Variants in PGR observed in about 807,000 individuals in gnomAD.
The protein encoded by PGR is nuclear receptor subfamily 3 group C member 3.
A neutral mutation model predicts 76.1 loss-of-function variants in PGR; 25 were observed. That is an observed-to-expected ratio of 0.33 (90% CI 0.24 to 0.46). The LOEUF (loss-of-function observed/expected upper bound fraction) is 0.46. PGR is among the 20% of genes least tolerant of loss of function. The probability of loss-of-function intolerance (pLI) is 1.00; values close to 1 mark genes in which losing one functional copy is unlikely to be tolerated. For missense variants in PGR, 1,172 were observed against 1,225.3 expected (o/e 0.96, Z 0.65); for synonymous variants, 579 against 535.0 (o/e 1.08, Z -1.14).
At chr11:101,124,022 G>A (rs898692198) in intron 2 of PGR, among the ~76,000 whole-genome samples, 8 of 152,198 alleles carry the variant, frequency 5.3e-5, no homozygotes, top group Admixed American at 6.5e-5. Context: ...GCAGAGAAAA[G>A]TGAAGTCAGG....
At chr11:101,067,402 T>A (rs1326639984) in intron 3 of PGR, among the ~76,000 whole-genome samples, 4 of 152,070 alleles carry the variant, frequency 2.6e-5, no homozygotes, top group Non-Finnish European at 5.9e-5. Context: ...ACTGACCTCA[T>A]TATTAACCAG....
At position 101,051,435 on chromosome 11, in the gene PGR, T is replaced by C. The variant is rs1860086119; in HGVS notation, c.2346A>G (p.Leu782=). The C allele has an allele frequency of 6.2e-7, 1 of 1,606,454 alleles. No individual in the cohort carries two copies. Among genetic ancestry groups the C allele is most frequent in the African/African-American group, 1.3e-5 (1 of 74,770 alleles). The change falls in exon 5 of 8, where the codon CTA becomes CTG. Residue 782 remains leucine, a synonymous_variant. Coordinates refer to ENST00000325455, the MANE Select transcript of PGR (RefSeq NM_000926.4). The part of the protein sequence containing the change: ...SGQMLYFAPD[L]ILNEQRMKES... ...AAGTTACTACTTACTCATTTAGTATTAGATCAGGTGCAAAATACAGCATCT... is the reference window on the plus strand; with the variant it reads ...AAGTTACTACTTACTCATTTAGTATCAGATCAGGTGCAAAATACAGCATCT...
chr11:101,066,355 AT>A (rs1324726510), intron 3 of PGR, among the ~76,000 whole-genome samples: 2 of 152,058 alleles, frequency 1.3e-5, no homozygotes, highest in Non-Finnish European at 2.9e-5. Context: ...GCTTCCACAT[AT>A]TTCATTCTTG....
At chr11:101,078,740 G>T (rs11571196) in intron 3 of PGR, among the ~76,000 whole-genome samples, 1 of 152,074 alleles carries the variant, frequency 6.6e-6, no homozygotes, top group South Asian at 2.1e-4. Context: ...AGAACAAACT[G>T]CTCCTAACAA....
chr11:101,128,206 T>A lies in PGR; in HGVS notation c.865A>T (p.Met289Leu). ...GCCAGCGGGGAGCGCCCGGGCGCCA[T>A]CGGCGCGTCCTGCTCCACCAGGGCG... ...RVALVEQDAP[M>L]APGRSPLATT... is the part of the protein sequence containing the mutation. The change falls in exon 1 of 8, where the codon ATG (methionine) becomes TTG (leucine). Residue 289 changes from methionine (M) to leucine (L), a missense_variant. Met to Leu is a conservative substitution (Grantham distance 15, BLOSUM62 2). Coordinates refer to ENST00000325455, the MANE Select transcript of PGR (RefSeq NM_000926.4). 6.3e-7 allele frequency: 1 copy of A among 1,598,352 alleles called. No homozygotes were observed. The highest frequency in any genetic ancestry group is 8.5e-7 in the Non-Finnish European group (1 of 1,179,510).
intron 2 of PGR, among the ~76,000 whole-genome samples, chr11:101,115,769 CA>C (rs60883024): frequency 1.0e-3 from 154 of 147,200 alleles, no homozygotes; most frequent in African/African-American, 3.3e-3. Flanking sequence ...GACTCCCTCT[CA>C]AAAAAAAAAG....
intron 7 of PGR, among the ~76,000 whole-genome samples, chr11:101,040,559 T>A (rs1591365000): frequency 6.6e-6 from 1 of 152,084 alleles, no homozygotes; most frequent in East Asian, 1.9e-4. Context: ...TTCCATCAAA[T>A]TCTGAAGGCA....
At chr11:101,110,147 C>T (rs1379738745) in intron 2 of PGR, among the ~76,000 whole-genome samples, 1 of 152,210 alleles carries the variant, frequency 6.6e-6, no homozygotes, top group South Asian at 2.1e-4. Flanking sequence ...GCTAACACAA[C>T]ATCTATTCTG....
At chr11:101,092,606 G>A (rs972958296) in intron 2 of PGR, among the ~76,000 whole-genome samples, 2 of 152,008 alleles carry the variant, frequency 1.3e-5, no homozygotes, top group East Asian at 3.9e-4. Flanking sequence ...AGGAAACTAT[G>A]GATGCCTTTA....
At chr11:101,055,272 G>A (rs1384591665) in intron 4 of PGR, among the ~76,000 whole-genome samples, 1 of 151,798 alleles carries the variant, frequency 6.6e-6, no homozygotes, top group African/African-American at 2.4e-5. Context: ...AATTAGCTAG[G>A]TGTGGTGGTG....
In PGR at chr11:101,127,633, AGGGCGGCGGCGCGAACGGGCCCTGCTG is replaced by A; in HGVS notation, c.1411_1437del (p.Gln471_Pro479del). 1 of 1,366,116 alleles carries A rather than the reference AGGGCGGCGGCGCGAACGGGCCCTGCTG, an allele frequency of 7.3e-7. No individual in the cohort carries two copies. The highest frequency in any genetic ancestry group is 9.4e-7 in the Non-Finnish European group (1 of 1,066,778). The allele number at this position is 1,366,116 out of a possible 1,614,324, so 84.6% of individuals were successfully genotyped here. A position where few individuals can be genotyped will look rare whatever the true frequency, so the allele number is the denominator to read the frequency against. ...CAGCCGCTCGCGCCCGGCGCCTTGC[AGGGCGGCGGCGCGAACGGGCCCTGCTG>A]GGGCGGCGCGCCCTCCGCTTTGTAC... On this transcript the variant is annotated inframe_deletion, in exon 1 of 8. Transcript: ENST00000325455.
chr11:101,048,146 T>G (rs1282808263), intron 6 of PGR, among the ~76,000 whole-genome samples: 1 of 152,224 alleles, frequency 6.6e-6, no homozygotes, highest in Non-Finnish European at 1.5e-5. Context: ...CCTGGGTGTT[T>G]CTTGCTAACT....
At chr11:101,045,665 TTGTGTGTGTG>T (rs5794091) in intron 6 of PGR, among the ~76,000 whole-genome samples, 3,095 of 149,224 alleles carry the variant, frequency 0.021, 79 homozygotes, top group African/African-American at 0.058. Flanking sequence ...CTATTCCATT[TTGTGTGTGTG>T]TGTGTGTGTG....
At chr11:101,072,803 G>A (rs1410375800) in intron 3 of PGR, among the ~76,000 whole-genome samples, 1 of 152,172 alleles carries the variant, frequency 6.6e-6, no homozygotes, top group Non-Finnish European at 1.5e-5. Context: ...CTCAATACAG[G>A]AGCATTCAGA....
intron 2 of PGR, among the ~76,000 whole-genome samples, chr11:101,104,385 A>T (rs531411629): frequency 2.2e-4 from 34 of 152,314 alleles, no homozygotes; most frequent in Non-Finnish European, 4.1e-4. Flanking sequence ...TGTTTAATCA[A>T]AATCTTAGTT....
chr11:101,129,348 G>A lies in PGR; in HGVS notation c.-278C>T. 1 of 419,950 alleles carries A rather than the reference G, an allele frequency of 2.4e-6. No individual in the cohort carries two copies. The highest frequency in any genetic ancestry group is 4.1e-6 in the Non-Finnish European group (1 of 241,118). The allele number at this position is 419,950 out of a possible 1,614,324, so 26.0% of individuals were successfully genotyped here. A position where few individuals can be genotyped will look rare whatever the true frequency, so the allele number is the denominator to read the frequency against. On this transcript the variant is annotated 5_prime_UTR_variant, in exon 1 of 8. Transcript: ENST00000325455. ...CAAGAAAAAGTAGTAATTGTTAGGA[G>A]ATCTCGTCTCCTAACTCGGGGAGTT...
chr11:101,062,327 A>G (rs1860531324), intron 4 of PGR, 120 bp downstream of exon 4: 5 of 778,270 alleles, frequency 6.4e-6, no homozygotes, highest in Admixed American at 4.2e-5. Flanking sequence ...AACACATACT[A>G]TCACATACTG....
chr11:101,075,106 G>A (rs1861076889), intron 3 of PGR, among the ~76,000 whole-genome samples: 1 of 152,086 alleles, frequency 6.6e-6, no homozygotes. Flanking sequence ...AAACAGCATG[G>A]TACTGGTACC....
intron 2 of PGR, among the ~76,000 whole-genome samples, chr11:101,117,292 T>C (rs1402916172): frequency 6.6e-6 from 1 of 152,208 alleles, no homozygotes; most frequent in African/African-American, 2.4e-5. Flanking sequence ...TTCATACTTC[T>C]GTGGGCTGTA....
Sources: gnomAD v4.1 joint callset for allele counts (sites outside exome capture counted in the v4.1 genomes callset) on GRCh38, gnomAD v4.1.1 for gene constraint, MANE v1.5 for transcripts, NCBI Gene and HGNC (gene_info 2026-07-23, HGNC 2026-07-21) for gene names.